DCC: variants seen among roughly 807,000 people sequenced by gnomAD.
DCC encodes the protein netrin receptor DCC.
DCC carries 58 observed loss-of-function variants against 172.5 expected under a neutral mutation model. The ratio of observed to expected loss-of-function variants is 0.34; its 90% CI spans 0.27 to 0.42. DCC has a LOEUF of 0.42. Ranked by LOEUF, DCC falls within the 10% of genes least tolerant of loss-of-function variation. DCC has a pLI of 1.00. For synonymous variants in DCC, 709 were observed against 644.5 expected (o/e 1.10, Z -1.52); for missense variants, 1,740 against 1,791.0 (o/e 0.97, Z 0.51).
At chr18:53,092,909 G>T (rs2043034568) in intron 7 of DCC, among the ~76,000 whole-genome samples, 1 of 152,032 alleles carries the variant, frequency 6.6e-6, no homozygotes, top group Non-Finnish European at 1.5e-5. Flanking sequence ...TTTAATGCTA[G>T]CAACTGAATC....
At chr18:53,146,239 T>TAAAAC (rs998487613) in intron 7 of DCC, among the ~76,000 whole-genome samples, 5 of 150,428 alleles carry the variant, frequency 3.3e-5, no homozygotes, top group Admixed American at 1.3e-4. Context: ...AAAAATAAAA[T>TAAAAC]AAAACACCAC....
intron 1 of DCC, among the ~76,000 whole-genome samples, chr18:52,599,168 T>A (rs922708007): frequency 6.6e-6 from 1 of 152,166 alleles, no homozygotes; most frequent in African/African-American, 2.4e-5. Context: ...GGAGACCGTT[T>A]TACAGTAATC....
At chr18:53,142,929 G>GACA (rs2043852300) in intron 7 of DCC, among the ~76,000 whole-genome samples, 2 of 151,934 alleles carry the variant, frequency 1.3e-5, no homozygotes, top group African/African-American at 4.8e-5. Context: ...CTGTCTTGAA[G>GACA]AGGATTGGTC....
At chr18:53,486,699 G>C in intron 25 of DCC, 98 bp from the exon 26 acceptor site, 1 of 1,510,318 alleles carries the variant, frequency 6.6e-7, no homozygotes, top group Non-Finnish European at 9.2e-7. Flanking sequence ...TGAAGAGTGT[G>C]TATAGATTTG....
intron 1 of DCC, among the ~76,000 whole-genome samples, chr18:52,642,068 ATATATATATATACACACACACACACACAC>A (rs2034914007): frequency 7.6e-5 from 1 of 13,146 alleles, no homozygotes; most frequent in Non-Finnish European, 5.3e-4. Context: ...GTGTGTATAT[ATATATATATATACACACACACACACACAC>A]TCACACACAC....
At chr18:53,124,158 C>T (rs868514968) in intron 7 of DCC, among the ~76,000 whole-genome samples, 1 of 152,054 alleles carries the variant, frequency 6.6e-6, no homozygotes, top group East Asian at 1.9e-4. Flanking sequence ...TGTTCTTAAC[C>T]AATTGCTTTC....
chr18:53,077,295 G>T (rs535224048), intron 7 of DCC, among the ~76,000 whole-genome samples: 2 of 152,024 alleles, frequency 1.3e-5, no homozygotes, highest in Non-Finnish European at 2.9e-5. Context: ...CCTTGGGAAA[G>T]GTTCTCTTTA....
chr18:52,556,471 G>T lies in DCC; in HGVS notation c.92-195583G>T, dbSNP rs537373730. Among the ~76,000 whole-genome samples, 9 of 152,148 alleles carry T rather than the reference G, an allele frequency of 5.9e-5. No homozygotes were observed. The South Asian group carries it at 6.2e-4, about 11-fold the overall frequency. On this transcript the variant is annotated intron_variant, in intron 1 of 28. Coordinates refer to ENST00000442544, the MANE Select transcript of DCC (RefSeq NM_005215.4). ...GGAGAACAAACTTGGTAAATAGATG[G>T]AGAGAACAAACCACATTCTGTGCTC...
intron 5 of DCC, among the ~76,000 whole-genome samples, chr18:53,016,083 A>G (rs1016947708): frequency 1.3e-5 from 2 of 152,120 alleles, no homozygotes; most frequent in African/African-American, 2.4e-5. Flanking sequence ...GAGAATACAT[A>G]TGTCCTCCAA....
intron 1 of DCC, among the ~76,000 whole-genome samples, chr18:52,402,256 A>G (rs1439388985): frequency 6.6e-6 from 1 of 151,996 alleles, no homozygotes; most frequent in African/African-American, 2.4e-5. Flanking sequence ...TCACTCTCTG[A>G]TCGATTTAAA....
chr18:52,452,073 G>A (rs1988323042), intron 1 of DCC, among the ~76,000 whole-genome samples: 1 of 152,186 alleles, frequency 6.6e-6, no homozygotes, highest in Admixed American at 6.5e-5. Flanking sequence ...TAGAGGGAGT[G>A]AGTGGCTTTG....
chr18:53,216,064 T>G (rs1034957405), intron 12 of DCC, among the ~76,000 whole-genome samples: 8 of 152,222 alleles, frequency 5.3e-5, no homozygotes, highest in African/African-American at 1.9e-4. Context: ...AGGCCATTCT[T>G]GAACTTCAAT....
intron 12 of DCC, among the ~76,000 whole-genome samples, chr18:53,244,848 A>G (rs947975993): frequency 6.6e-6 from 1 of 152,146 alleles, no homozygotes; most frequent in Non-Finnish European, 1.5e-5. Context: ...AGTGTGTGAT[A>G]CTGTCTATGA....
chr18:53,142,668 A>G (rs958664472), intron 7 of DCC, among the ~76,000 whole-genome samples: 2 of 152,212 alleles, frequency 1.3e-5, no homozygotes, highest in Non-Finnish European at 2.9e-5. Flanking sequence ...CAGAGCTCCT[A>G]TATACCCTTT....
intron 8 of DCC, among the ~76,000 whole-genome samples, chr18:53,168,695 T>C (rs1452469158): frequency 1.3e-5 from 2 of 152,110 alleles, no homozygotes; most frequent in East Asian, 3.9e-4. Flanking sequence ...GTTCTGCACA[T>C]GTATCCCAGA....
At chr18:53,165,239 G>A (rs993799784) in intron 8 of DCC, among the ~76,000 whole-genome samples, 3 of 152,162 alleles carry the variant, frequency 2.0e-5, no homozygotes, top group African/African-American at 7.2e-5. Flanking sequence ...AACAAAGGCT[G>A]AACTAGGTGT....
At chr18:53,134,413 T>C (rs1388700224) in intron 7 of DCC, among the ~76,000 whole-genome samples, 1 of 152,124 alleles carries the variant, frequency 6.6e-6, no homozygotes, top group Admixed American at 6.5e-5. Context: ...AACTACACTC[T>C]CAATCTGGAT....
intron 2 of DCC, among the ~76,000 whole-genome samples, chr18:52,892,738 CAG>C (rs1309391704): frequency 6.6e-6 from 1 of 152,070 alleles, no homozygotes; most frequent in Non-Finnish European, 1.5e-5. Context: ...TTGATTTTTT[CAG>C]AGTCTCAGTA....
At chr18:52,657,394 A>G (rs920285781) in intron 1 of DCC, among the ~76,000 whole-genome samples, 1 of 152,188 alleles carries the variant, frequency 6.6e-6, no homozygotes, top group African/African-American at 2.4e-5. Context: ...CCGGGATTCT[A>G]AACTAGAAAG....
Sources: gnomAD v4.1 joint callset for allele counts (sites outside exome capture counted in the v4.1 genomes callset) on GRCh38, gnomAD v4.1.1 for gene constraint, MANE v1.5 for transcripts, NCBI Gene and HGNC (gene_info 2026-07-23, HGNC 2026-07-21) for gene names.